FAM117B: variants seen among roughly 807,000 people sequenced by gnomAD.
The protein encoded by FAM117B is protein FAM117B.
FAM117B carries 22 observed loss-of-function variants against 52.8 expected under a neutral mutation model. The observed-to-expected ratio is 0.42, with a 90% confidence interval of 0.30 to 0.59. The LOEUF (loss-of-function observed/expected upper bound fraction) is 0.59, where lower values mean the gene tolerates loss of function less well. FAM117B is among the 20% of genes least tolerant of loss of function. The probability of loss-of-function intolerance (pLI) is 0.22; values close to 1 mark genes in which losing one functional copy is unlikely to be tolerated. For missense variants in FAM117B, 678 were observed against 802.6 expected (o/e 0.84, Z 1.88); for synonymous variants, 309 against 324.1 (o/e 0.95, Z 0.50).
chr2:202,689,364 C>G (rs1308075796), intron 1 of FAM117B, among the ~76,000 whole-genome samples: 1 of 152,042 alleles, frequency 6.6e-6, no homozygotes, highest in Non-Finnish European at 1.5e-5. Flanking sequence ...ATCACTTGAA[C>G]CTGCGAGGCT....
chr2:202,740,467 A>G (rs1308317683), intron 4 of FAM117B, among the ~76,000 whole-genome samples: 1 of 151,964 alleles, frequency 6.6e-6, no homozygotes, highest in African/African-American at 2.4e-5. Context: ...ATTCTAGAAT[A>G]TAGTGGTTGC....
intron 7 of FAM117B, among the ~76,000 whole-genome samples, chr2:202,761,471 A>G (rs1691888266): frequency 6.6e-6 from 1 of 152,178 alleles, no homozygotes; most frequent in African/African-American, 2.4e-5. Context: ...TAGATAGATC[A>G]AACATAAGAT....
At chr2:202,674,987 C>T (rs1252915028) in intron 1 of FAM117B, among the ~76,000 whole-genome samples, 2 of 152,138 alleles carry the variant, frequency 1.3e-5, no homozygotes, top group Admixed American at 6.5e-5. Context: ...GTAATCCCAG[C>T]CCTTTAGGGG....
At chr2:202,647,106 C>G (rs1014929376) in intron 1 of FAM117B, among the ~76,000 whole-genome samples, 3 of 151,854 alleles carry the variant, frequency 2.0e-5, no homozygotes, top group Non-Finnish European at 2.9e-5. Context: ...TTATATAAGA[C>G]AAAATGGGAT....
At position 202,757,206 on chromosome 2, in the gene FAM117B, G is replaced by A. The variant is rs1342250362; in HGVS notation, c.1105-7G>A. 1 of 1,611,864 alleles carries A rather than the reference G, an allele frequency of 6.2e-7. No individual in the cohort carries two copies. The highest frequency in any genetic ancestry group is 1.7e-5 in the Admixed American group (1 of 59,612). ...AATATACCTATGTTTTTACAATTTT[G>A]TAACAGCCGCAAGATATTCCAGATG... is the stretch of plus-strand genomic sequence containing the variant. On this transcript the variant is annotated splice_region_variant and splice_polypyrimidine_tract_variant and intron_variant, in intron 5 of 7. Transcript: ENST00000392238.
chr2:202,670,745 C>T (rs1408960402), intron 1 of FAM117B, among the ~76,000 whole-genome samples: 3 of 152,138 alleles, frequency 2.0e-5, no homozygotes, highest in Admixed American at 6.6e-5. Context: ...TTTCATTCTG[C>T]GCCCATTTCA....
intron 1 of FAM117B, among the ~76,000 whole-genome samples, chr2:202,667,691 A>C (rs2105764092): frequency 6.6e-6 from 1 of 152,274 alleles, no homozygotes; most frequent in African/African-American, 2.4e-5. Flanking sequence ...GTAGGGATCT[A>C]AACTAAACTA....
In FAM117B at chr2:202,745,978, T is replaced by G. The variant is rs182975017; in HGVS notation, c.961-9560T>G. Reference sequence around the variant, plus strand: ...CAGTGTTAGAGCTTAAAGAGAGAAATAGACCCCAATGCAATAATAGTTGGA... The same window carrying G: ...CAGTGTTAGAGCTTAAAGAGAGAAAGAGACCCCAATGCAATAATAGTTGGA... On this transcript the variant is annotated intron_variant, in intron 4 of 7. Transcript: ENST00000392238. 1.1e-3 allele frequency among the ~76,000 whole-genome samples: 169 copies of G among 152,218 alleles called. 1 individual carries two copies. Among genetic ancestry groups the G allele is most frequent in the African/African-American group, 3.9e-3 (163 of 41,540 alleles).
chr2:202,638,213 G>A (rs977388364), intron 1 of FAM117B, among the ~76,000 whole-genome samples: 1 of 152,148 alleles, frequency 6.6e-6, no homozygotes, highest in Non-Finnish European at 1.5e-5. Flanking sequence ...GAACAAAACT[G>A]CTTCAGTCCT....
chr2:202,745,726 A>T (rs1011391266), intron 4 of FAM117B, among the ~76,000 whole-genome samples: 4 of 152,202 alleles, frequency 2.6e-5, no homozygotes, highest in African/African-American at 9.7e-5. Flanking sequence ...GTAAAAACAC[A>T]TATTGATTTA....
chr2:202,722,096 C>T (rs1022805277), intron 2 of FAM117B, among the ~76,000 whole-genome samples: 4 of 150,924 alleles, frequency 2.7e-5, no homozygotes, highest in African/African-American at 7.3e-5. Flanking sequence ...CTGCAACCTC[C>T]ACCTCCCAAG....
At chr2:202,741,011 T>TA (rs1339536670) in intron 4 of FAM117B, among the ~76,000 whole-genome samples, 1 of 152,210 alleles carries the variant, frequency 6.6e-6, no homozygotes, top group Non-Finnish European at 1.5e-5. Context: ...ACATGAGAGA[T>TA]ACTTCCACTA....
intron 2 of FAM117B, among the ~76,000 whole-genome samples, chr2:202,710,527 A>G (rs1690942221): frequency 1.3e-5 from 2 of 152,170 alleles, no homozygotes; most frequent in Admixed American, 6.5e-5. Context: ...TGAGATATCT[A>G]TCACCTCAAG....
rs554286439 is a variant in FAM117B at position 202,731,523 on chromosome 2, C to G, written c.960+5160C>G. Among the ~76,000 whole-genome samples the G allele has an allele frequency of 1.3e-5, 2 of 151,382 alleles. 1 individual carries two copies. Among genetic ancestry groups the G allele is most frequent in the South Asian group, 4.2e-4 (2 of 4,772 alleles). The stretch of plus-strand genomic sequence containing the variant: ...TTGGATCATTGTAACCTCCGCCTCC[C>G]GGGTTCAAGCGATTCTCCTGCCTCA... On this transcript the variant is annotated intron_variant, in intron 4 of 7. Coordinates refer to ENST00000392238, the MANE Select transcript of FAM117B (RefSeq NM_173511.4).
chr2:202,645,714 C>T (rs1258666969), intron 1 of FAM117B, among the ~76,000 whole-genome samples: 2 of 152,022 alleles, frequency 1.3e-5, no homozygotes, highest in Admixed American at 6.6e-5. Context: ...AGCAAGTCTC[C>T]TGCCTCAGCC....
In FAM117B at chr2:202,684,302, CTTA is replaced by C. The variant is rs141556083; in HGVS notation, c.602-11573_602-11571del. Among the ~76,000 whole-genome samples the C allele has an allele frequency of 8.5e-3, 1,300 of 152,284 alleles. 25 individuals are homozygous for C. The highest frequency in any genetic ancestry group is 0.03 in the African/African-American group (1,228 of 41,558). ...TAAAAAAATCAATATACAGTCCATC[CTTA>C]TTATTCGCAGATTTTGTATTGGCAA... On this transcript the variant is annotated intron_variant, in intron 1 of 7. Coordinates refer to ENST00000392238, the MANE Select transcript of FAM117B (RefSeq NM_173511.4).
chr2:202,699,516 C>T (rs867093386), intron 2 of FAM117B, among the ~76,000 whole-genome samples: 2 of 146,388 alleles, frequency 1.4e-5, no homozygotes, highest in African/African-American at 2.5e-5. Flanking sequence ...TTGTAAAGCT[C>T]GTGTAGAATC....
intron 4 of FAM117B, among the ~76,000 whole-genome samples, chr2:202,734,287 T>C (rs1691405694): frequency 6.6e-6 from 1 of 152,102 alleles, no homozygotes. Context: ...CTAGGGAGGC[T>C]GAGGTGGGGG....
At chr2:202,659,604 CTTTTTTTTTT>C (rs71030981) in intron 1 of FAM117B, among the ~76,000 whole-genome samples, 23 of 62,314 alleles carry the variant, frequency 3.7e-4, no homozygotes, top group African/African-American at 1.1e-3. Flanking sequence ...AGCCACCGTG[CTTTTTTTTTT>C]TTTTTTTTTT....
Sources: allele counts gnomAD v4.1 joint callset (sites outside exome capture counted in the v4.1 genomes callset), GRCh38; gene constraint gnomAD v4.1.1; transcripts MANE v1.5; gene names NCBI Gene and HGNC (gene_info 2026-07-23, HGNC 2026-07-21).